Variants in SCGB2B2 observed in about 807,000 individuals in gnomAD.
SCGB2B2 encodes the protein secretoglobin-like protein.
In SCGB2B2, 11 loss-of-function variants were observed where a neutral mutation model predicts 7.6. The ratio of observed to expected loss-of-function variants is 1.45; its 90% confidence interval spans 0.91 to 2.40. The LOEUF (loss-of-function observed/expected upper bound fraction) is 2.40. Among genes scored for constraint, SCGB2B2 ranks in the 30% most tolerant of loss-of-function variants. The pLI is 0.00. For missense variants in SCGB2B2, 104 were observed against 115.4 expected, an observed-to-expected ratio of 0.90 and a Z score of 0.45; for synonymous variants, 50 against 48.6, an observed-to-expected ratio of 1.03 and a Z score of -0.12.
At chr19:34,600,188 T>C (rs1174318319) in intron 1 of SCGB2B2, among the ~76,000 whole-genome samples, 1 of 152,204 alleles carries the variant, frequency 6.6e-6, no homozygotes, top group African/African-American at 2.4e-5. Flanking sequence ...TAAACGTTAA[T>C]TTTGCTCTTT....
intron 1 of SCGB2B2, chr19:34,646,931 G>A (rs1022567385): frequency 6.6e-6 from 1 of 152,142 alleles, no homozygotes; most frequent in African/African-American, 2.4e-5. Context: ...TGTGTTTTCT[G>A]AGCCCAGGAA....
Position 34,677,035 on chromosome 19 carries a change from G to C in SCGB2B2, c.-3437C>G, listed in dbSNP as rs1329063874. The C allele has an allele frequency of 6.6e-6, 1 of 152,050 alleles. No homozygotes were observed. Among genetic ancestry groups the C allele is most frequent in the Non-Finnish European group, 1.5e-5 (1 of 68,012 alleles). 9.4% of individuals were successfully genotyped at this position (152,050 alleles called of 1,614,324 possible). ...CCAGGGGCGTAACGCACGTCAGAACGGCCATTAGTGTCACAGATACGTGTC... is the reference window on the plus strand; with the variant it reads ...CCAGGGGCGTAACGCACGTCAGAACCGCCATTAGTGTCACAGATACGTGTC... On this transcript the variant is annotated 5_prime_UTR_variant, in exon 1 of 4. Coordinates refer to ENST00000601241, the MANE Select transcript of SCGB2B2 (RefSeq NM_001025591.4).
intron 1 of SCGB2B2, among the ~76,000 whole-genome samples, chr19:34,674,005 A>C (rs1276607445): frequency 6.6e-6 from 1 of 152,214 alleles, no homozygotes; most frequent in African/African-American, 2.4e-5. Context: ...ATTGAAACAA[A>C]AGGACTAGCC....
intron 1 of SCGB2B2, among the ~76,000 whole-genome samples, chr19:34,606,046 A>G (rs974223184): frequency 4.6e-5 from 7 of 151,596 alleles, no homozygotes; most frequent in Non-Finnish European, 8.8e-5. Flanking sequence ...TAGTTACTAA[A>G]ATTTTTTTTT....
intron 1 of SCGB2B2, chr19:34,632,769 T>C (rs1413619385): frequency 6.6e-6 from 1 of 152,270 alleles, no homozygotes; most frequent in Non-Finnish European, 1.5e-5. Flanking sequence ...GGTGACATCT[T>C]TAAAAGTTTG....
chr19:34,658,820 A>C (rs867951821), intron 1 of SCGB2B2, among the ~76,000 whole-genome samples: 28,827 of 137,808 alleles, frequency 0.21, 3,448 homozygotes, highest in Non-Finnish European at 0.3. Context: ...CAACAAAAAA[A>C]AAAAAAAAAA....
chr19:34,665,117 C>T (rs774853467), intron 1 of SCGB2B2, among the ~76,000 whole-genome samples: 12 of 152,152 alleles, frequency 7.9e-5, no homozygotes, highest in Non-Finnish European at 1.6e-4. Flanking sequence ...CAAACCCAAA[C>T]AATTGCTGTC....
intron 1 of SCGB2B2, among the ~76,000 whole-genome samples, chr19:34,603,360 C>T (rs1037363486): frequency 6.6e-6 from 1 of 152,220 alleles, no homozygotes. Context: ...GAATATCTTA[C>T]AACACTGGAG....
chr19:34,607,770 C>T (rs958085379), intron 1 of SCGB2B2, among the ~76,000 whole-genome samples: 2 of 152,190 alleles, frequency 1.3e-5, no homozygotes, highest in African/African-American at 4.8e-5. Context: ...CTATGCAGGG[C>T]CTTTGCCCAT....
At chr19:34,641,988 T>C (rs2066855101) in intron 1 of SCGB2B2, among the ~76,000 whole-genome samples, 1 of 135,626 alleles carries the variant, frequency 7.4e-6, no homozygotes, top group Non-Finnish European at 1.7e-5. Flanking sequence ...TTTCAGGGGC[T>C]AAGAGCCTTG....
At position 34,592,703 on chromosome 19, in the gene SCGB2B2, G is replaced by A. The variant is rs2065329649; in HGVS notation, c.*852C>T. 6.6e-6 allele frequency among the ~76,000 whole-genome samples: 1 copy of A among 152,150 alleles called. No homozygotes were observed. The highest frequency in any genetic ancestry group is 2.1e-4 in the South Asian group (1 of 4,830). Reference sequence around the variant, plus strand: ...GGGTGAGGTGGGAGAGAGGGGCCGTGTTTGAGGGTGGCACTCGTTCCCTGT... The same window carrying A: ...GGGTGAGGTGGGAGAGAGGGGCCGTATTTGAGGGTGGCACTCGTTCCCTGT... On this transcript the variant is annotated 3_prime_UTR_variant, in exon 4 of 4. Coordinates refer to ENST00000601241, the MANE Select transcript of SCGB2B2 (RefSeq NM_001025591.4).
chr19:34,607,856 T>A (rs181778584), intron 1 of SCGB2B2, among the ~76,000 whole-genome samples: 1 of 152,370 alleles, frequency 6.6e-6, no homozygotes, highest in East Asian at 1.9e-4. Context: ...TTATCAAATA[T>A]ATGGTTTACA....
intron 1 of SCGB2B2, among the ~76,000 whole-genome samples, chr19:34,609,730 T>TA (rs775164701): frequency 6.6e-6 from 1 of 152,184 alleles, no homozygotes; most frequent in African/African-American, 2.4e-5. Flanking sequence ...TATAGCTTTA[T>TA]AGTCTATTTT....
At chr19:34,662,935 AAAACAAACAAAC>A (rs377124471) in intron 1 of SCGB2B2, among the ~76,000 whole-genome samples, 18 of 151,726 alleles carry the variant, frequency 1.2e-4, no homozygotes, top group African/African-American at 1.9e-4. Context: ...TGTCTCCAAA[AAAACAAACAAAC>A]AAACAAACAA....
chr19:34,675,323 G>C (rs1305524081), intron 1 of SCGB2B2, among the ~76,000 whole-genome samples: 1 of 152,202 alleles, frequency 6.6e-6, no homozygotes, highest in Non-Finnish European at 1.5e-5. Context: ...AGCCTTGAGA[G>C]GAAGCCAGCT....
intron 1 of SCGB2B2, among the ~76,000 whole-genome samples, chr19:34,605,003 T>C (rs1382268319): frequency 2.0e-5 from 3 of 152,260 alleles, no homozygotes; most frequent in Non-Finnish European, 4.4e-5. Flanking sequence ...AGTTTCCTTG[T>C]ACCTCTTTAA....
intron 1 of SCGB2B2, among the ~76,000 whole-genome samples, chr19:34,627,879 C>T (rs1371713857): frequency 6.6e-6 from 1 of 152,212 alleles, no homozygotes; most frequent in Non-Finnish European, 1.5e-5. Context: ...AAGTAAAGCA[C>T]TCCTCTGCAA....
intron 1 of SCGB2B2, among the ~76,000 whole-genome samples, chr19:34,629,214 T>C (rs1442943486): frequency 1.3e-5 from 2 of 151,734 alleles, no homozygotes; most frequent in South Asian, 2.1e-4. Context: ...TGGCACAAGG[T>C]AGGGATGCCC....
intron 1 of SCGB2B2, among the ~76,000 whole-genome samples, chr19:34,627,581 T>C (rs2066414344): frequency 6.6e-6 from 1 of 152,098 alleles, no homozygotes; most frequent in Non-Finnish European, 1.5e-5. Flanking sequence ...CCTAAATATA[T>C]ATGCACCTAA....
Sources: allele counts gnomAD v4.1 joint callset (sites outside exome capture counted in the v4.1 genomes callset), GRCh38; gene constraint gnomAD v4.1.1; transcripts MANE v1.5; gene names NCBI Gene and HGNC (gene_info 2026-07-23, HGNC 2026-07-21).